Variants in MAGED1 observed in about 807,000 individuals in gnomAD.
MAGED1 encodes melanoma-associated antigen D1.
Under a neutral mutation model 54.1 loss-of-function variants are expected in MAGED1, and 3 were observed. The observed-to-expected ratio is 0.06, with a 90% CI of 0.03 to 0.14. The LOEUF (loss-of-function observed/expected upper bound fraction) is 0.14, where lower values mean the gene tolerates loss of function less well. Among genes scored for constraint, MAGED1 ranks in the 10% least tolerant of loss-of-function variants. The pLI, the probability that MAGED1 is intolerant of heterozygous loss-of-function variation, is 1.00. For synonymous variants in MAGED1, 217 were observed against 227.3 expected, an observed-to-expected ratio of 0.95 and a Z score of 0.41; for missense variants, 485 against 623.4, an observed-to-expected ratio of 0.78 and a Z score of 2.36.
At position 51,894,499 on chromosome X, in the gene MAGED1, AG is replaced by A. The variant is rs1557363910; in HGVS notation, c.45+157del. 4.2e-5 allele frequency: 33 copies of A among 791,525 alleles called. No individual in the cohort carries two copies. The South Asian group carries it at 5.7e-4, about 14-fold the overall frequency. The allele number at this position is 791,525 out of a possible 1,213,427, so 65.2% of individuals were successfully genotyped here. A position where few individuals can be genotyped will look rare whatever the true frequency, so the allele number is the denominator to read the frequency against. ...TTTTCGAATTCCCATCGTTTATCGA[AG>A]GGGGGGAGGGGCGTCTCTTTTCAGC... On this transcript the variant is annotated intron_variant, in intron 2 of 12. Transcript: ENST00000326587.
intron 1 of MAGED1, among the ~76,000 whole-genome samples, chrX:51,871,471 G>T (rs1927673812): frequency 9.3e-6 from 1 of 107,601 alleles, no homozygotes; most frequent in South Asian, 4.2e-4. Context: ...CCCTTCCTGT[G>T]TCCAAGTGTT....
intron 1 of MAGED1, among the ~76,000 whole-genome samples, chrX:51,842,788 C>T (rs1028726661): frequency 4.5e-5 from 5 of 110,600 alleles, no homozygotes; most frequent in Non-Finnish European, 7.6e-5. Context: ...GAGGCTCAAG[C>T]GATCCTCCCA....
intron 1 of MAGED1, among the ~76,000 whole-genome samples, chrX:51,880,497 G>A (rs1316778747): frequency 8.9e-6 from 1 of 111,975 alleles, no homozygotes; most frequent in Non-Finnish European, 1.9e-5. Context: ...TTTATGTTGA[G>A]TTGCAGAGAA....
At chrX:51,810,106 T>G (rs1925166988) in intron 1 of MAGED1, among the ~76,000 whole-genome samples, 1 of 111,708 alleles carries the variant, frequency 9.0e-6, no homozygotes, top group Non-Finnish European at 1.9e-5. Flanking sequence ...TTTTTAATGC[T>G]TAAACAGTGT....
At chrX:51,865,505 C>T (rs1457160494) in intron 1 of MAGED1, among the ~76,000 whole-genome samples, 6 of 111,455 alleles carry the variant, frequency 5.4e-5, no homozygotes, top group African/African-American at 2.0e-4. Context: ...TGCCTTTCTT[C>T]CTTCTATTTC....
At chrX:51,874,320 G>A (rs782074683) in intron 1 of MAGED1, among the ~76,000 whole-genome samples, 2 of 111,185 alleles carry the variant, frequency 1.8e-5, no homozygotes, top group South Asian at 7.7e-4. Flanking sequence ...GGTTAAAAGA[G>A]GGCTTTACCT....
chrX:51,894,531 G>T (rs2147015985), intron 2 of MAGED1, 182 bp downstream of exon 2: 1 of 873,848 alleles, frequency 1.1e-6, no homozygotes, highest in African/African-American at 2.0e-5. Flanking sequence ...TCAGCCATCA[G>T]TCCCTGCTCA....
At chrX:51,838,849 C>CT (rs1236778110) in intron 1 of MAGED1, among the ~76,000 whole-genome samples, 1 of 111,450 alleles carries the variant, frequency 9.0e-6, no homozygotes, top group Non-Finnish European at 1.9e-5. Flanking sequence ...CTTGCAAACA[C>CT]TTGGAGAAAT....
chrX:51,867,634 G>A (rs1927503385), intron 1 of MAGED1, among the ~76,000 whole-genome samples: 2 of 111,772 alleles, frequency 1.8e-5, no homozygotes, highest in Admixed American at 1.9e-4. Context: ...ATCTCTTTTG[G>A]CAACACCCTC....
intron 1 of MAGED1, among the ~76,000 whole-genome samples, chrX:51,866,091 G>A (rs1927450126): frequency 8.9e-6 from 1 of 112,168 alleles, no homozygotes; most frequent in African/African-American, 3.2e-5. Flanking sequence ...TTATAGCAGT[G>A]TGAGAACAGA....
chrX:51,822,041 C>A, intron 1 of MAGED1, among the ~76,000 whole-genome samples: 1 of 111,521 alleles, frequency 9.0e-6, no homozygotes, highest in African/African-American at 3.3e-5. Context: ...CTGTAGGTTT[C>A]TTTTCTTGTA....
upstream of MAGED1, among the ~76,000 whole-genome samples, chrX:51,892,885 G>C (rs1557363632): frequency 9.0e-6 from 1 of 111,084 alleles, no homozygotes. Flanking sequence ...CTGCAAAATA[G>C]GGGTGCTGAC....
At chrX:51,840,602 G>A (rs1426680874) in intron 1 of MAGED1, among the ~76,000 whole-genome samples, 8 of 96,811 alleles carry the variant, frequency 8.3e-5, no homozygotes, top group Admixed American at 2.3e-4. Flanking sequence ...ACCCCACAAC[G>A]GTCCCCAGAG....
At chrX:51,864,147 A>G (rs782551124) in intron 1 of MAGED1, among the ~76,000 whole-genome samples, 1 of 107,628 alleles carries the variant, frequency 9.3e-6, no homozygotes, top group Non-Finnish European at 1.9e-5. Flanking sequence ...CTCTAATCCA[A>G]TTTCCAATTT....
chrX:51,857,931 C>T (rs1927146366), intron 1 of MAGED1: 1 of 112,399 alleles, frequency 8.9e-6, no homozygotes, highest in Non-Finnish European at 1.9e-5. Context: ...GTGGAAAGGC[C>T]TTCAATCTGA....
intron 1 of MAGED1, among the ~76,000 whole-genome samples, chrX:51,835,544 G>A (rs1490086573): frequency 9.0e-6 from 1 of 111,277 alleles, no homozygotes; most frequent in Non-Finnish European, 1.9e-5. Flanking sequence ...TGTTACTAAT[G>A]TGTCTTTTTG....
intron 1 of MAGED1, among the ~76,000 whole-genome samples, chrX:51,867,115 G>A (rs1286558700): frequency 1.8e-5 from 2 of 111,641 alleles, no homozygotes; most frequent in African/African-American, 6.5e-5. Flanking sequence ...TGGCTTTAAT[G>A]TGGACTTCCT....
intron 1 of MAGED1, among the ~76,000 whole-genome samples, chrX:51,866,927 C>T (rs1281504329): frequency 8.9e-6 from 1 of 111,767 alleles, no homozygotes; most frequent in Non-Finnish European, 1.9e-5. Flanking sequence ...ACATGGATAA[C>T]ACCAGTAAAG....
chrX:51,829,361 T>C (rs1925977428), intron 1 of MAGED1, among the ~76,000 whole-genome samples: 1 of 109,768 alleles, frequency 9.1e-6, no homozygotes, highest in South Asian at 3.9e-4. Flanking sequence ...GTGAAATTAG[T>C]AAATGAAAGA....
Sources: gnomAD v4.1 joint callset for allele counts (sites outside exome capture counted in the v4.1 genomes callset) on GRCh38, gnomAD v4.1.1 for gene constraint, MANE v1.5 for transcripts, NCBI Gene and HGNC (gene_info 2026-07-23, HGNC 2026-07-21) for gene names.